Variants in ASB11 observed in about 807,000 individuals in gnomAD.
ASB11 encodes ankyrin repeat and SOCS box containing 11, also known as ankyrin repeat and SOCS box protein 11.
In ASB11, 17 loss-of-function variants were observed where a neutral mutation model predicts 20.1. That is an observed-to-expected ratio of 0.85 (90% CI 0.58 to 1.27). The LOEUF is 1.27. Among genes scored for constraint, ASB11 ranks in the 50% most tolerant of loss-of-function variants. The probability of loss-of-function intolerance (pLI) is 0.00; values close to 1 mark genes in which losing one functional copy is unlikely to be tolerated. For missense variants in ASB11, 259 were observed against 256.9 expected, an observed-to-expected ratio of 1.01 and a Z score of -0.06; for synonymous variants, 107 against 105.6, an observed-to-expected ratio of 1.01 and a Z score of -0.08.
chrX:15,292,139 G>A (rs1927552228), intron 4 of ASB11: 1 of 111,150 alleles, frequency 9.0e-6, no homozygotes, highest in African/African-American at 3.3e-5. Flanking sequence ...ACTAACATCA[G>A]CTATTAATTA....
In ASB11 at chrX:15,282,160, C is replaced by T. The variant is rs1333950005; in HGVS notation, c.*1345G>A. 2 of 110,575 alleles carry T rather than the reference C, an allele frequency of 1.8e-5. No individual in the cohort carries two copies. Among genetic ancestry groups the T allele is most frequent in the African/African-American group, 6.6e-5 (2 of 30,385 alleles). 9.1% of individuals were successfully genotyped at this position (110,575 alleles called of 1,213,427 possible). On this transcript the variant is annotated 3_prime_UTR_variant, in exon 7 of 7. Transcript: ENST00000480796. ...CTCAGTGGGAGTGGGGCAAAATTGTCTCCAGTTGAGAGCCAAAGGTCTAGA... is the reference window on the plus strand; with the variant it reads ...CTCAGTGGGAGTGGGGCAAAATTGTTTCCAGTTGAGAGCCAAAGGTCTAGA...
chrX:15,292,069 C>A (rs748490330), intron 4 of ASB11: 46 of 109,124 alleles, frequency 4.2e-4, no homozygotes, highest in African/African-American at 1.5e-3. Flanking sequence ...ACATTTATAT[C>A]ATTTCCAAAG....
intron 4 of ASB11, among the ~76,000 whole-genome samples, chrX:15,291,735 TA>T (rs1164831765): frequency 1.1e-4 from 11 of 97,939 alleles, no homozygotes; most frequent in South Asian, 4.6e-4. Flanking sequence ...TTAAAAAAAT[TA>T]AAAAAAAAAG....
chrX:15,307,852 G>T (rs1403575896), intron 1 of ASB11, among the ~76,000 whole-genome samples: 1 of 112,187 alleles, frequency 8.9e-6, no homozygotes, highest in Non-Finnish European at 1.9e-5. Flanking sequence ...TAGGATTTGT[G>T]CATGTCTCTG....
At chrX:15,302,886 G>A (rs1921118065) in intron 1 of ASB11, 79 bp from the exon 2 acceptor site, 2 of 919,679 alleles carry the variant, frequency 2.2e-6, no homozygotes, top group South Asian at 2.1e-5. Flanking sequence ...CCCACTGTGA[G>A]AGGAGGTTTG....
Position 15,287,876 on chromosome X carries a change from G to A in ASB11, c.847+5C>T, listed in dbSNP as rs1305838553. 5 of 1,195,807 alleles carry A rather than the reference G, an allele frequency of 4.2e-6. No individual in the cohort carries two copies. The highest frequency in any genetic ancestry group is 3.5e-5 in the African/African-American group (2 of 57,096). On this transcript the variant is annotated splice_donor_5th_base_variant and intron_variant, in intron 6 of 6. Coordinates refer to ENST00000480796, the MANE Select transcript of ASB11 (RefSeq NM_080873.3). ...AAGAGGAATGGATACCCAGCCCTTG[G>A]TTACCTTCACGGAGCAAGAGTGCCT...
chrX:15,293,817 C>T (rs1233119314), intron 3 of ASB11, among the ~76,000 whole-genome samples: 2 of 99,337 alleles, frequency 2.0e-5, no homozygotes, highest in Non-Finnish European at 3.9e-5. Context: ...TTTCTTAATC[C>T]AGTCTATCAT....
chrX:15,292,763 G>C (rs1198550170), intron 4 of ASB11, among the ~76,000 whole-genome samples: 1 of 111,822 alleles, frequency 8.9e-6, no homozygotes. Flanking sequence ...GTTAGTGGTT[G>C]GTATTTTATG....
chrX:15,310,052 T>G (rs1308823008), intron 1 of ASB11, among the ~76,000 whole-genome samples: 2 of 108,578 alleles, frequency 1.8e-5, no homozygotes, highest in Non-Finnish European at 3.8e-5. Context: ...GTAGCCTTTC[T>G]AGTTCCATCA....
intron 3 of ASB11, among the ~76,000 whole-genome samples, chrX:15,297,148 C>T (rs1026483803): frequency 2.7e-5 from 3 of 111,977 alleles, no homozygotes; most frequent in African/African-American, 6.5e-5. Flanking sequence ...AAAAATTAGC[C>T]GGGCGTGGCG....
At chrX:15,292,536 T>G (rs759726773) in intron 4 of ASB11, among the ~76,000 whole-genome samples, 1 of 112,248 alleles carries the variant, frequency 8.9e-6, no homozygotes, top group East Asian at 2.8e-4. Context: ...CTATTTTCCT[T>G]CACTTGGAAA....
chrX:15,289,309 T>C (rs1927469395), intron 5 of ASB11, among the ~76,000 whole-genome samples, 195 bp downstream of exon 5: 1 of 112,387 alleles, frequency 8.9e-6, no homozygotes, highest in South Asian at 3.7e-4. Flanking sequence ...CAATACCAGG[T>C]AAATGGAGTT....
intron 2 of ASB11, among the ~76,000 whole-genome samples, chrX:15,298,975 C>T (rs994155243): frequency 9.0e-6 from 1 of 111,262 alleles, no homozygotes; most frequent in African/African-American, 3.3e-5. Flanking sequence ...CACATTCTCC[C>T]TCCCCATACT....
intron 1 of ASB11, among the ~76,000 whole-genome samples, chrX:15,308,081 G>A (rs1382188382): frequency 9.0e-6 from 1 of 111,594 alleles, no homozygotes; most frequent in African/African-American, 3.3e-5. Context: ...TTAGTGCCTT[G>A]GGAGTGGGGA....
At chrX:15,286,939 TAATC>T (rs1467008264) in intron 6 of ASB11, among the ~76,000 whole-genome samples, 1 of 112,020 alleles carries the variant, frequency 8.9e-6, no homozygotes, top group Non-Finnish European at 1.9e-5. Context: ...GGCACACAAA[TAATC>T]AATATAGGCT....
rs1160871284 is a variant in ASB11 at position 15,282,205 on chromosome X, A to AT, written c.*1299_*1300insA. On this transcript the variant is annotated 3_prime_UTR_variant, in exon 7 of 7. Coordinates refer to ENST00000480796, the MANE Select transcript of ASB11 (RefSeq NM_080873.3). ...TCTAGAAAAATTGGGGGAAAAAAAA[A>AT]CATGTGTGAAATGAGTCTTAGGATG... 5.4e-5 allele frequency: 6 copies of AT among 111,542 alleles called. No individual in the cohort carries two copies. Among genetic ancestry groups the AT allele is most frequent in the Non-Finnish European group, 1.1e-4 (6 of 53,080 alleles). 9.2% of individuals were successfully genotyped at this position (111,542 alleles called of 1,213,427 possible).
At position 15,315,202 on chromosome X, in the gene ASB11, A is replaced by G. The variant is rs771345251; in HGVS notation, c.181+223T>C. 2.9e-4 allele frequency among the ~76,000 whole-genome samples: 33 copies of G among 112,027 alleles called. No individual in the cohort carries two copies. In the South Asian group the frequency reaches 0.012, roughly 40 times the overall value. ...GTAAGCCACTACCTATTTACTTCTTAAATAACAACTGCTACAAGATCTACG... is the reference window on the plus strand; with the variant it reads ...GTAAGCCACTACCTATTTACTTCTTGAATAACAACTGCTACAAGATCTACG... On this transcript the variant is annotated intron_variant, in intron 1 of 6. Coordinates refer to ENST00000480796, the MANE Select transcript of ASB11 (RefSeq NM_080873.3).
chrX:15,287,430 G>T (rs1248252543), intron 6 of ASB11, among the ~76,000 whole-genome samples: 1 of 112,576 alleles, frequency 8.9e-6, no homozygotes, highest in African/African-American at 3.2e-5. Context: ...AGGTTCAAGC[G>T]ATTCTCCTGC....
intron 1 of ASB11, 75 bp from the exon 2 acceptor site, chrX:15,302,882 G>T: frequency 1.1e-6 from 1 of 928,497 alleles, no homozygotes; most frequent in Non-Finnish European, 1.6e-6. Flanking sequence ...CCCACCCACT[G>T]TGAGAGGAGG....
Sources: gnomAD v4.1 joint callset for allele counts (sites outside exome capture counted in the v4.1 genomes callset) on GRCh38, gnomAD v4.1.1 for gene constraint, MANE v1.5 for transcripts, NCBI Gene and HGNC (gene_info 2026-07-23, HGNC 2026-07-21) for gene names.